ENTPD5: variants seen among roughly 807,000 people sequenced by gnomAD.
The protein encoded by ENTPD5 is nucleoside diphosphate phosphatase ENTPD5.
In ENTPD5, 49 loss-of-function variants were observed where a neutral mutation model predicts 60.2. The observed-to-expected ratio is 0.81, with a 90% CI of 0.65 to 1.03. The LOEUF is 1.03. ENTPD5 is among the 50% of genes least tolerant of loss of function. The pLI is 0.00. For synonymous variants in ENTPD5, 187 were observed against 185.4 expected, an observed-to-expected ratio of 1.01 and a Z score of -0.07; for missense variants, 480 against 507.6, an observed-to-expected ratio of 0.95 and a Z score of 0.52.
intron 3 of ENTPD5, among the ~76,000 whole-genome samples, chr14:73,991,625 A>AAAAAAAAG (rs56259684): frequency 3.1e-5 from 4 of 127,964 alleles, no homozygotes; most frequent in Non-Finnish European, 3.3e-5. Context: ...AAAAAAAAAA[A>AAAAAAAAG]ACAATTAGGG....
intron 2 of ENTPD5, among the ~76,000 whole-genome samples, chr14:74,013,365 A>G (rs768245923): frequency 3.3e-5 from 5 of 152,198 alleles, no homozygotes; most frequent in Non-Finnish European, 7.3e-5. Flanking sequence ...CAAATTCTAT[A>G]GCACCTAGGG....
chr14:73,989,075 G>A (rs1190312980), intron 3 of ENTPD5, among the ~76,000 whole-genome samples: 1 of 151,764 alleles, frequency 6.6e-6, no homozygotes, highest in Non-Finnish European at 1.5e-5. Flanking sequence ...ACCCGCCTCG[G>A]CCTCCCAAAG....
intron 15 of ENTPD5, among the ~76,000 whole-genome samples, chr14:73,968,018 GGAGGCT>G (rs1253878483): frequency 6.6e-6 from 1 of 151,980 alleles, no homozygotes; most frequent in Non-Finnish European, 1.5e-5. Context: ...CAGCTACTTC[GGAGGCT>G]GAGGCAGGAG....
Position 73,988,099 on chromosome 14 carries a change from C to T in ENTPD5, c.4G>A (p.Ala2Thr), listed in dbSNP as rs758656170. ...AAAAAGACTGTGCCCCAAGAAGTGG[C>T]CATTCTTTTCCCAAGATGTGGCTGG... M[A>T]TSWGTVFFML... The change falls in exon 4 of 16, where the codon GCC becomes ACC. Residue 2 changes from alanine to threonine, a missense_variant. Ala to Thr is a moderately conservative substitution (Grantham distance 58). Transcript: ENST00000334696. 2 of 1,608,296 alleles carry T rather than the reference C, an allele frequency of 1.2e-6. No individual in the cohort carries two copies. Among genetic ancestry groups the T allele is most frequent in the Admixed American group, 1.7e-5 (1 of 59,378 alleles).
At chr14:73,975,147 C>A (rs1474904508) in intron 10 of ENTPD5, among the ~76,000 whole-genome samples, 162 bp from the exon 11 acceptor site, 1 of 152,184 alleles carries the variant, frequency 6.6e-6, no homozygotes, top group African/African-American at 2.4e-5. Flanking sequence ...GGGGTAATTT[C>A]TGCACAGTTT....
chr14:73,974,039 G>T, intron 11 of ENTPD5, 61 bp from the exon 12 acceptor site: 1 of 1,415,208 alleles, frequency 7.1e-7, no homozygotes. Context: ...AGGAAGGCAA[G>T]CAAGAAGCCA....
At position 73,976,996 on chromosome 14, in the gene ENTPD5, T is replaced by G. The variant is rs140165942; in HGVS notation, c.553+28A>C. 9.7e-4 allele frequency: 1,533 copies of G among 1,588,320 alleles called. 2 individuals are homozygous for G. The African/African-American group carries it at 0.017, about 18-fold the overall frequency. ...CTATGCATGTAAAAGCTAGTTAAGC[T>G]CTAAAGATAAACTTGAGGATGTATT... On this transcript the variant is annotated intron_variant, in intron 8 of 15. Transcript: ENST00000334696.
rs1238965130 is a variant in ENTPD5, at chr14:73,965,021, A to G, written c.*1907T>C. The G allele has an allele frequency of 6.6e-6, 1 of 152,180 alleles. No individual in the cohort carries two copies. The highest frequency in any genetic ancestry group is 1.5e-5 in the Non-Finnish European group (1 of 68,034). The allele number at this position is 152,180 out of a possible 1,614,324, so 9.4% of individuals were successfully genotyped here. ...TTCCAACTCAAGATTCTGTTATTTC[A>G]TTATAAGCATTTTGAGGAAGGCAGT... On this transcript the variant is annotated 3_prime_UTR_variant, in exon 16 of 16. Coordinates refer to ENST00000334696, the MANE Select transcript of ENTPD5 (RefSeq NM_001249.5).
chr14:73,987,122 C>G, intron 4 of ENTPD5: 1 of 702,800 alleles, frequency 1.4e-6, no homozygotes, highest in Non-Finnish European at 2.6e-6. Context: ...ACTCCTCCAC[C>G]TTTCCCCAGG....
intron 3 of ENTPD5, among the ~76,000 whole-genome samples, chr14:73,994,415 C>G (rs2058260532): frequency 1.3e-5 from 2 of 151,998 alleles, no homozygotes; most frequent in South Asian, 4.2e-4. Flanking sequence ...GCACAAGCCT[C>G]CGCACCGAGC....
At chr14:73,973,366 T>G (rs2057310674) in intron 12 of ENTPD5, among the ~76,000 whole-genome samples, 1 of 152,260 alleles carries the variant, frequency 6.6e-6, no homozygotes, top group African/African-American at 2.4e-5. Context: ...TCCTTGATAT[T>G]CAGGTATATA....
Position 74,010,039 on chromosome 14 carries a change from C to T in ENTPD5, c.-71+1052G>A, listed in dbSNP as rs375648523. On this transcript the variant is annotated intron_variant, in intron 3 of 15. Transcript: ENST00000334696. ...TCTCCTGATCTCGTGATCCGCCTGCCTCGGCCTCTCAAAGTGCTGGGATTA... is the reference window on the plus strand; with the variant it reads ...TCTCCTGATCTCGTGATCCGCCTGCTTCGGCCTCTCAAAGTGCTGGGATTA... Among the ~76,000 whole-genome samples the T allele has an allele frequency of 1.9e-4, 29 of 152,268 alleles. No homozygotes were observed. The East Asian group carries it at 3.1e-3, about 16-fold the overall frequency.
chr14:73,967,725 G>A (rs1411080002), intron 15 of ENTPD5, among the ~76,000 whole-genome samples: 9 of 150,626 alleles, frequency 6.0e-5, no homozygotes, highest in East Asian at 1.9e-4. Flanking sequence ...ACTTGAACCC[G>A]GGAGGCAGAG....
chr14:73,991,971 C>A (rs1295138885), intron 3 of ENTPD5, among the ~76,000 whole-genome samples: 2 of 150,634 alleles, frequency 1.3e-5, no homozygotes, highest in African/African-American at 2.4e-5. Context: ...TGCACTCCAG[C>A]GTGGGCAACA....
chr14:73,995,855 T>C (rs1195542212), intron 3 of ENTPD5, among the ~76,000 whole-genome samples: 2 of 152,118 alleles, frequency 1.3e-5, no homozygotes, highest in African/African-American at 4.8e-5. Context: ...TTTCTCTTGC[T>C]CACTATCTCT....
At chr14:73,960,750 G>A (rs952959798), downstream of ENTPD5, 3 of 450,884 alleles carry the variant, frequency 6.7e-6, no homozygotes, top group Non-Finnish European at 1.1e-5. Context: ...CATACAGGGG[G>A]GAAACACAGA....
chr14:74,016,232 A>G (rs188487491), intron 1 of ENTPD5, among the ~76,000 whole-genome samples: 1 of 152,342 alleles, frequency 6.6e-6, no homozygotes, highest in East Asian at 1.9e-4. Flanking sequence ...TAGACTCTAT[A>G]TCCACCTCTA....
In ENTPD5 at chr14:73,966,478, T is replaced by TTC. The variant is rs1414908641; in HGVS notation, c.*448_*449dup. ...GGAAAGCAAAACCAGGTTTTTTTTT[T>TTC]TCTCTCTTTTTCAGGGGAGGTGGGT... On this transcript the variant is annotated 3_prime_UTR_variant, in exon 16 of 16. Coordinates refer to ENST00000334696, the MANE Select transcript of ENTPD5 (RefSeq NM_001249.5). The TTC allele has an allele frequency of 3.3e-5, 5 of 152,878 alleles. No homozygotes were observed. The highest frequency in any genetic ancestry group is 7.3e-5 in the Non-Finnish European group (5 of 68,514). The allele number at this position is 152,878 out of a possible 1,614,324, so 9.5% of individuals were successfully genotyped here.
intron 3 of ENTPD5, among the ~76,000 whole-genome samples, chr14:73,993,258 A>G (rs546457924): frequency 6.6e-6 from 1 of 152,070 alleles, no homozygotes; most frequent in Non-Finnish European, 1.5e-5. Flanking sequence ...GGATCTCTGG[A>G]TCCCGGGAAG....
Sources: gnomAD v4.1 joint callset for allele counts (sites outside exome capture counted in the v4.1 genomes callset) on GRCh38, gnomAD v4.1.1 for gene constraint, MANE v1.5 for transcripts, NCBI Gene and HGNC (gene_info 2026-07-23, HGNC 2026-07-21) for gene names.